PIGU: variants seen among roughly 807,000 people sequenced by gnomAD.
PIGU encodes phosphatidylinositol glycan anchor biosynthesis class U, also known as GPI-anchor transamidase component PIGU.
Under a neutral mutation model 49.9 loss-of-function variants are expected in PIGU, and 24 were observed. That is an observed-to-expected ratio of 0.48 (90% CI 0.35 to 0.68). PIGU has a LOEUF of 0.68. Among genes scored for constraint, PIGU ranks in the 30% least tolerant of loss-of-function variants. The probability of loss-of-function intolerance (pLI) is 0.01; values close to 1 mark genes in which losing one functional copy is unlikely to be tolerated. For synonymous variants in PIGU, 220 were observed against 205.7 expected (o/e 1.07, Z -0.59); for missense variants, 490 against 532.6 (o/e 0.92, Z 0.79).
chr20:34,594,298 C>G (rs1266466332), intron 7 of PIGU, among the ~76,000 whole-genome samples: 1 of 152,198 alleles, frequency 6.6e-6, no homozygotes, highest in African/African-American at 2.4e-5. Context: ...CTCGCTGAAA[C>G]ATTACTTGTA....
At chr20:34,668,484 G>GGT (rs1555804228) in intron 1 of PIGU, among the ~76,000 whole-genome samples, 1 of 39,298 alleles carries the variant, frequency 2.5e-5, no homozygotes, top group African/African-American at 1.1e-4. Context: ...AAAAAAAAAA[G>GGT]GGGGGGGCGG....
At chr20:34,626,248 C>T (rs1030412285) in intron 6 of PIGU, among the ~76,000 whole-genome samples, 5 of 151,684 alleles carry the variant, frequency 3.3e-5, no homozygotes, top group African/African-American at 1.2e-4. Context: ...AACATTTTAT[C>T]CCCAGGTGGA....
intron 6 of PIGU, among the ~76,000 whole-genome samples, chr20:34,634,203 T>G (rs529299040): frequency 6.6e-6 from 1 of 151,994 alleles, no homozygotes; most frequent in African/African-American, 2.4e-5. Flanking sequence ...TCCCAAGTAG[T>G]TGGGACTACA....
intron 1 of PIGU, among the ~76,000 whole-genome samples, chr20:34,672,348 C>A (rs1001764727): frequency 3.9e-5 from 6 of 152,160 alleles, no homozygotes; most frequent in African/African-American, 1.4e-4. Context: ...GTTATTTGTG[C>A]CTGCCCAACA....
intron 8 of PIGU, among the ~76,000 whole-genome samples, chr20:34,586,858 A>G (rs1983715868): frequency 6.6e-6 from 1 of 152,174 alleles, no homozygotes; most frequent in African/African-American, 2.4e-5. Context: ...CAAACCTCCC[A>G]GTTAGAGGCT....
intron 8 of PIGU, among the ~76,000 whole-genome samples, chr20:34,586,894 G>A (rs1233628962): frequency 6.6e-6 from 1 of 152,148 alleles, no homozygotes; most frequent in Non-Finnish European, 1.5e-5. Flanking sequence ...TGTTCCCAGG[G>A]AGTGCTCTTT....
intron 9 of PIGU, among the ~76,000 whole-genome samples, chr20:34,582,054 C>G (rs1983497996): frequency 6.6e-6 from 1 of 152,178 alleles, no homozygotes; most frequent in Non-Finnish European, 1.5e-5. Context: ...AGGCAGCCTC[C>G]CTTGCCAGAG....
intron 11 of PIGU, among the ~76,000 whole-genome samples, chr20:34,563,624 T>TTG (rs1982622728): frequency 7.2e-6 from 1 of 139,614 alleles, no homozygotes; most frequent in Admixed American, 7.2e-5. Flanking sequence ...AATACATCAA[T>TTG]GGGGGGGGGG....
intron 1 of PIGU, among the ~76,000 whole-genome samples, chr20:34,659,641 C>T (rs1457289552): frequency 2.0e-5 from 3 of 152,126 alleles, no homozygotes; most frequent in Non-Finnish European, 4.4e-5. Context: ...ATTGAGAAAT[C>T]GGATGGTGGC....
chr20:34,658,916 G>A (rs1338650594), intron 1 of PIGU, among the ~76,000 whole-genome samples: 3 of 146,044 alleles, frequency 2.1e-5, no homozygotes, highest in East Asian at 2.1e-4. Flanking sequence ...GTCAACCCCC[G>A]CCAGGCCAGC....
Position 34,677,011 on chromosome 20 carries a change from G to A in PIGU, c.75C>T (p.Ala25=), listed in dbSNP as rs1244193383. Residue 25 remains alanine (A), a synonymous_variant, in exon 1 of 12, where the codon GCC becomes GCT. Transcript: ENST00000217446. ...CCTCCACCCGCTCGGAAATGAACTCGGCCAGACTGGAGCGGAACAAGGCCG... is the reference window on the plus strand; with the variant it reads ...CCTCCACCCGCTCGGAAATGAACTCAGCCAGACTGGAGCGGAACAAGGCCG... ...VRAALFRSSL[A]EFISERVEVV... is the part of the protein sequence containing the mutation. 6.3e-7 allele frequency: 1 copy of A among 1,584,236 alleles called. No individual in the cohort carries two copies. The highest frequency in any genetic ancestry group is 8.6e-7 in the Non-Finnish European group (1 of 1,165,954).
At chr20:34,574,898 G>A (rs1194562857) in intron 11 of PIGU, among the ~76,000 whole-genome samples, 1 of 152,168 alleles carries the variant, frequency 6.6e-6, no homozygotes, top group Non-Finnish European at 1.5e-5. Flanking sequence ...ATGGTTCAGT[G>A]TGGTGCCCAA....
At chr20:34,580,558 C>T (rs910396312) in intron 10 of PIGU, among the ~76,000 whole-genome samples, 1 of 152,236 alleles carries the variant, frequency 6.6e-6, no homozygotes, top group Non-Finnish European at 1.5e-5. Flanking sequence ...ATTCTTGACA[C>T]CTTGCTGGAC....
At chr20:34,598,617 G>A (rs1228487321) in intron 7 of PIGU, among the ~76,000 whole-genome samples, 2 of 152,208 alleles carry the variant, frequency 1.3e-5, no homozygotes, top group Non-Finnish European at 2.9e-5. Flanking sequence ...GCTCCATGCT[G>A]TCCCAGCTCT....
chr20:34,604,392 AG>A (rs1452801047), intron 7 of PIGU, among the ~76,000 whole-genome samples: 1 of 152,216 alleles, frequency 6.6e-6, no homozygotes, highest in African/African-American at 2.4e-5. Context: ...AAACTCTTAA[AG>A]GGAGTTAACC....
intron 1 of PIGU, among the ~76,000 whole-genome samples, chr20:34,672,855 TCAAAA>T (rs1318617931): frequency 8.4e-5 from 8 of 95,300 alleles, no homozygotes; most frequent in Admixed American, 3.6e-4. Context: ...ACCCTGTCTC[TCAAAA>T]AAAAAAAAAA....
chr20:34,665,586 C>T (rs1196368892), intron 1 of PIGU, among the ~76,000 whole-genome samples: 1 of 151,724 alleles, frequency 6.6e-6, no homozygotes, highest in African/African-American at 2.4e-5. Context: ...ATGATCTGCC[C>T]GCCTCAGCCT....
At chr20:34,628,083 A>T (rs970695513) in intron 6 of PIGU, among the ~76,000 whole-genome samples, 1 of 152,236 alleles carries the variant, frequency 6.6e-6, no homozygotes. Flanking sequence ...GGTTCTATGT[A>T]CAACTTTTTA....
At chr20:34,567,206 A>C (rs1175307455) in intron 11 of PIGU, among the ~76,000 whole-genome samples, 3 of 152,234 alleles carry the variant, frequency 2.0e-5, no homozygotes, top group African/African-American at 7.2e-5. Context: ...GAGGCAGAGG[A>C]GGCTGGCGGC....
Sources: gnomAD v4.1 joint callset for allele counts (sites outside exome capture counted in the v4.1 genomes callset) on GRCh38, gnomAD v4.1.1 for gene constraint, MANE v1.5 for transcripts, NCBI Gene and HGNC (gene_info 2026-07-23, HGNC 2026-07-21) for gene names.